Variants in TMEM135 observed in about 807,000 individuals in gnomAD.
TMEM135 encodes the protein peroxisomal membrane protein 52.
In TMEM135, 30 loss-of-function variants were observed where a neutral mutation model predicts 60.3. The ratio of observed to expected loss-of-function variants is 0.50; its 90% CI spans 0.37 to 0.68. The LOEUF is 0.68. TMEM135 is among the 30% of genes least tolerant of loss of function. The pLI is 0.00. For missense variants in TMEM135, 468 were observed against 548.8 expected (o/e 0.85, Z 1.47); for synonymous variants, 190 against 186.7 (o/e 1.02, Z -0.14).
intron 6 of TMEM135, among the ~76,000 whole-genome samples, chr11:87,264,307 C>CTTT (rs145849024): frequency 4.1e-5 from 6 of 146,724 alleles, no homozygotes; most frequent in African/African-American, 1.2e-4. Flanking sequence ...TGTTCTTTTT[C>CTTT]TTTTCTTTTT....
At chr11:87,247,069 C>G (rs898536483) in intron 6 of TMEM135, among the ~76,000 whole-genome samples, 4 of 148,244 alleles carry the variant, frequency 2.7e-5, no homozygotes, top group Admixed American at 6.8e-5. Context: ...TTCCTTCTAA[C>G]AGACAGGACG....
Position 87,038,195 on chromosome 11 carries a change from C to G in TMEM135, c.141+9C>G, listed in dbSNP as rs748297437. On this transcript the variant is annotated intron_variant, in intron 1 of 14. Transcript: ENST00000305494. ...ATGCTCCTCTGTACTTGGTGAGACCCGTCACCCGTCCCGCAGGGCGAGTTT... is the reference window on the plus strand; with the variant it reads ...ATGCTCCTCTGTACTTGGTGAGACCGGTCACCCGTCCCGCAGGGCGAGTTT... The G allele has an allele frequency of 2.2e-5, 35 of 1,613,844 alleles. No individual in the cohort carries two copies. The highest frequency in any genetic ancestry group is 2.3e-5 in the Non-Finnish European group (27 of 1,179,976).
chr11:87,194,819 A>AT (rs1374200133), intron 5 of TMEM135, among the ~76,000 whole-genome samples: 5 of 152,120 alleles, frequency 3.3e-5, no homozygotes, highest in Non-Finnish European at 5.9e-5. Flanking sequence ...ATGTTGTGGC[A>AT]TTTTTTTAAA....
chr11:87,215,377 G>T (rs527300087), intron 5 of TMEM135, among the ~76,000 whole-genome samples: 1 of 152,290 alleles, frequency 6.6e-6, no homozygotes, highest in South Asian at 2.1e-4. Context: ...TTTGGTCAGG[G>T]CTTAGCTGGA....
At chr11:87,193,915 T>C (rs1168202889) in intron 5 of TMEM135, among the ~76,000 whole-genome samples, 3 of 151,936 alleles carry the variant, frequency 2.0e-5, no homozygotes, top group Non-Finnish European at 2.9e-5. Context: ...CATTGAAGTA[T>C]TGCTGTGGAC....
rs1187206261 is a variant in TMEM135, at chr11:87,327,385, A to C, written c.*6052A>C. ...TAAAGATGCCAGGTCAGAAAAATAG[A>C]AAGAACCTGCTTCTGTGAGCCACTG... On this transcript the variant is annotated 3_prime_UTR_variant, in exon 15 of 15. Transcript: ENST00000305494. 1.3e-5 allele frequency: 6 copies of C among 453,870 alleles called. No homozygotes were observed. The East Asian group carries it at 4.2e-4, about 32-fold the overall frequency. The allele number at this position is 453,870 out of a possible 1,614,324, so 28.1% of individuals were successfully genotyped here. A position where few individuals can be genotyped will look rare whatever the true frequency, so the allele number is the denominator to read the frequency against.
intron 2 of TMEM135, among the ~76,000 whole-genome samples, chr11:87,068,485 A>G (rs1856709044): frequency 6.6e-6 from 1 of 152,204 alleles, no homozygotes; most frequent in Non-Finnish European, 1.5e-5. Flanking sequence ...TGAACAAAGT[A>G]GTTGTGCAGG....
At chr11:87,086,830 C>CT (rs1857106915) in intron 3 of TMEM135, among the ~76,000 whole-genome samples, 1 of 152,182 alleles carries the variant, frequency 6.6e-6, no homozygotes. Context: ...AGGCTTTAAA[C>CT]TATCTTTGGC....
chr11:87,111,732 A>G (rs2445554), intron 4 of TMEM135, among the ~76,000 whole-genome samples: 82,999 of 151,188 alleles, frequency 0.55, 23,639 homozygotes, highest in East Asian at 0.71. Context: ...TTATACCCAC[A>G]TAGAAATATA....
chr11:87,140,713 C>A (rs1938239190), intron 4 of TMEM135, among the ~76,000 whole-genome samples: 3 of 152,160 alleles, frequency 2.0e-5, no homozygotes, highest in Non-Finnish European at 2.9e-5. Flanking sequence ...AAATCAAGAT[C>A]ATAAATGTTT....
chr11:87,163,552 C>T (rs1435993356), intron 5 of TMEM135, among the ~76,000 whole-genome samples: 2 of 152,032 alleles, frequency 1.3e-5, no homozygotes, highest in Non-Finnish European at 1.5e-5. Flanking sequence ...GGTATGTACC[C>T]AGTAATGGGA....
chr11:87,068,139 G>A (rs1425969514), intron 2 of TMEM135, among the ~76,000 whole-genome samples: 1 of 152,170 alleles, frequency 6.6e-6, no homozygotes, highest in Non-Finnish European at 1.5e-5. Flanking sequence ...CATAGATCAG[G>A]AATTCAAAGC....
intron 5 of TMEM135, chr11:87,178,416 T>C (rs747306835): frequency 2.2e-6 from 1 of 456,244 alleles, no homozygotes; most frequent in African/African-American, 2.0e-5. Context: ...CTTTTGAGTC[T>C]GCCTTCCTTT....
intron 4 of TMEM135, chr11:87,096,141 G>T: frequency 3.3e-6 from 1 of 301,238 alleles, no homozygotes; most frequent in South Asian, 3.7e-5. Context: ...TGCCAGTGTT[G>T]ATGCTGAAAC....
chr11:87,148,277 T>C (rs946907143), intron 4 of TMEM135, among the ~76,000 whole-genome samples: 4 of 152,194 alleles, frequency 2.6e-5, no homozygotes, highest in African/African-American at 4.8e-5. Flanking sequence ...TACAAGGAAA[T>C]GAAAAGCAAT....
chr11:87,258,186 G>A (rs940959263), intron 6 of TMEM135, among the ~76,000 whole-genome samples: 3 of 102,738 alleles, frequency 2.9e-5, no homozygotes, highest in African/African-American at 7.4e-5. Flanking sequence ...TTTATTTTGG[G>A]GAAAAGCCTT....
At position 87,103,436 on chromosome 11, in the gene TMEM135, T is replaced by C. The variant is rs75748112; in HGVS notation, c.396+12041T>C. ...TAATTTGCATTTCCCTAATTTTTAG[T>C]GATGTTGAGCATTTTTAAATGTGTG... On this transcript the variant is annotated intron_variant, in intron 4 of 14. Transcript: ENST00000305494. Among the ~76,000 whole-genome samples the C allele has an allele frequency of 2.4e-3, 372 of 152,088 alleles. 7 individuals carry two copies. In the East Asian group the frequency reaches 0.062, roughly 26 times the overall value.
At chr11:87,258,497 T>G (rs1285567587) in intron 6 of TMEM135, among the ~76,000 whole-genome samples, 2 of 152,170 alleles carry the variant, frequency 1.3e-5, no homozygotes, top group African/African-American at 2.4e-5. Flanking sequence ...AAAGCAGTCA[T>G]TAATGGTCAG....
At chr11:87,162,914 T>C (rs1485724623) in intron 5 of TMEM135, among the ~76,000 whole-genome samples, 1 of 152,216 alleles carries the variant, frequency 6.6e-6, no homozygotes, top group Non-Finnish European at 1.5e-5. Flanking sequence ...ATCGCCATTC[T>C]AACTGGCGTA....
Sources: gnomAD v4.1 joint callset for allele counts (sites outside exome capture counted in the v4.1 genomes callset) on GRCh38, gnomAD v4.1.1 for gene constraint, MANE v1.5 for transcripts, NCBI Gene and HGNC (gene_info 2026-07-23, HGNC 2026-07-21) for gene names.